Variants in PAPPA observed in about 807,000 individuals in gnomAD.
The protein encoded by PAPPA is pappalysin 1.
PAPPA carries 60 observed loss-of-function variants against 164.0 expected under a neutral mutation model. That is an observed-to-expected ratio of 0.37 (90% confidence interval 0.30 to 0.45). The LOEUF (loss-of-function observed/expected upper bound fraction) is 0.45, where lower values mean the gene tolerates loss of function less well. PAPPA is among the 20% of genes least tolerant of loss of function. The pLI is 1.00. For missense variants in PAPPA, 1,782 were observed against 2,087.3 expected (o/e 0.85, Z 2.85); for synonymous variants, 875 against 814.1 (o/e 1.07, Z -1.27).
chr9:116,187,295 A>G lies in PAPPA; in HGVS notation c.557A>G (p.Asn186Ser). Residue 186 changes from asparagine to serine, a missense_variant, in exon 2 of 22, where the codon AAT (asparagine) becomes AGT (serine). By Grantham distance (46) the Asn-to-Ser change is conservative. Coordinates refer to ENST00000328252, the MANE Select transcript of PAPPA (RefSeq NM_002581.5). The surrounding 1 kb of genome is among the most constrained non-coding windows in gnomAD (Gnocchi z 4.2). ...TDRARQVTTI[N>S]AHRSYLPGQW... ...CGAGCCCGGCAAGTGACCACCATCA[A>G]TGCCCACCGCAGCTACCTCCCAGGC... The G allele has an allele frequency of 1.9e-6, 3 of 1,614,056 alleles. No individual in the cohort carries two copies. Among genetic ancestry groups the G allele is most frequent in the African/African-American group, 2.7e-5 (2 of 74,972 alleles).
rs1008633467 is a variant in PAPPA, at chr9:116,331,452, G to T, written c.3261+95G>T. 1.3e-5 allele frequency: 10 copies of T among 749,536 alleles called. No individual in the cohort carries two copies. The African/African-American group carries it at 1.4e-4, about 10-fold the overall frequency. 46.4% of individuals were successfully genotyped at this position (749,536 alleles called of 1,614,324 possible). A position where few individuals can be genotyped will look rare whatever the true frequency, so the allele number is the denominator to read the frequency against. ...CTTTCTGAAGATGGGTTGTCTACCT[G>T]CTGAGGGTGTTAATTGTAAGAACAG... On this transcript the variant is annotated intron_variant, in intron 11 of 21. Transcript: ENST00000328252.
chr9:116,174,255 T>G (rs768804838), intron 1 of PAPPA, among the ~76,000 whole-genome samples: 1 of 152,182 alleles, frequency 6.6e-6, no homozygotes, highest in Non-Finnish European at 1.5e-5. Flanking sequence ...CCCTGCAAAG[T>G]GGAGATCTGC....
rs116963613 is a variant in PAPPA at position 116,298,842 on chromosome 9, C to T, written c.2954-3915C>T. Among the ~76,000 whole-genome samples the T allele has an allele frequency of 9.5e-3, 1,445 of 151,374 alleles. 15 individuals are homozygous for T. The highest frequency in any genetic ancestry group is 0.036 in the South Asian group (172 of 4,798). ...TTATCAATGCTACCTAGCTACTACA[C>T]GGAAGTTATTTGACCTTGGTATTGA... On this transcript the variant is annotated intron_variant, in intron 9 of 21. Coordinates refer to ENST00000328252, the MANE Select transcript of PAPPA (RefSeq NM_002581.5).
intron 13 of PAPPA, among the ~76,000 whole-genome samples, chr9:116,340,448 C>A (rs1039811984): frequency 6.6e-6 from 1 of 152,194 alleles, no homozygotes; most frequent in Non-Finnish European, 1.5e-5. Flanking sequence ...CTTGGGCAAG[C>A]AATTTAAAAC....
At chr9:116,289,608 C>A (rs1445401735) in intron 9 of PAPPA, among the ~76,000 whole-genome samples, 1 of 152,032 alleles carries the variant, frequency 6.6e-6, no homozygotes, top group Non-Finnish European at 1.5e-5. Flanking sequence ...CTTAATCTTT[C>A]TAAGTTTCAG....
At chr9:116,284,543 G>A (rs1355659444) in intron 9 of PAPPA, among the ~76,000 whole-genome samples, 2 of 110,588 alleles carry the variant, frequency 1.8e-5, no homozygotes, top group Non-Finnish European at 3.3e-5. Context: ...TTTAGTCTGG[G>A]CCTTTTTTTT....
At chr9:116,283,486 C>G (rs1845291808) in intron 9 of PAPPA, among the ~76,000 whole-genome samples, 1 of 152,110 alleles carries the variant, frequency 6.6e-6, no homozygotes, top group Non-Finnish European at 1.5e-5. Flanking sequence ...GTGGGCAGTT[C>G]TCATCCCATA....
chr9:116,249,258 A>T (rs2118775511), intron 7 of PAPPA, among the ~76,000 whole-genome samples: 1 of 152,350 alleles, frequency 6.6e-6, no homozygotes, highest in East Asian at 1.9e-4. Context: ...CAGGTTAGTG[A>T]GAATCTCCTG....
chr9:116,320,265 C>G (rs1308134714), intron 10 of PAPPA, among the ~76,000 whole-genome samples: 1 of 152,136 alleles, frequency 6.6e-6, no homozygotes, highest in African/African-American at 2.4e-5. Context: ...AGGTGCCAGC[C>G]TGAAGGGTAT....
chr9:116,262,434 A>G (rs1424590151), intron 7 of PAPPA, among the ~76,000 whole-genome samples: 1 of 152,226 alleles, frequency 6.6e-6, no homozygotes, highest in Non-Finnish European at 1.5e-5. Context: ...GATCTGCTAA[A>G]ATTTTAGTTC....
chr9:116,363,199 T>C (rs1342461469), intron 18 of PAPPA, among the ~76,000 whole-genome samples: 1 of 152,148 alleles, frequency 6.6e-6, no homozygotes, highest in Admixed American at 6.5e-5. Context: ...CATTCATGAG[T>C]ACCTGATATA....
chr9:116,231,100 G>A (rs1167896969), intron 6 of PAPPA, among the ~76,000 whole-genome samples: 1 of 147,624 alleles, frequency 6.8e-6, no homozygotes, highest in Non-Finnish European at 1.5e-5. Context: ...TATATAACGG[G>A]TGCCTGTATA....
Position 116,358,349 on chromosome 9 carries a change from G to C in PAPPA, c.4348-4243G>C, listed in dbSNP as rs528129514. ...CAACCTTGGAAGACACAAAATGCAT[G>C]TGAGGGCATTGACTGGGAACAGAGA... On this transcript the variant is annotated intron_variant, in intron 17 of 21. Coordinates refer to ENST00000328252, the MANE Select transcript of PAPPA (RefSeq NM_002581.5). Among the ~76,000 whole-genome samples, 4 of 152,346 alleles carry C rather than the reference G, an allele frequency of 2.6e-5. 1 individual carries two copies. The South Asian group carries it at 8.3e-4, about 32-fold the overall frequency.
intron 2 of PAPPA, among the ~76,000 whole-genome samples, chr9:116,205,340 CT>C (rs1407897875): frequency 4.6e-5 from 7 of 152,202 alleles, no homozygotes; most frequent in Admixed American, 2.6e-4. Context: ...CTACCCCACC[CT>C]TTTTCTCTCT....
intron 19 of PAPPA, among the ~76,000 whole-genome samples, chr9:116,370,269 C>G (rs146117541): frequency 9.9e-5 from 15 of 152,268 alleles, no homozygotes; most frequent in Non-Finnish European, 1.6e-4. Flanking sequence ...CACCCCCTAC[C>G]ACACACGTAC....
At chr9:116,283,298 A>G (rs1845289372) in intron 9 of PAPPA, among the ~76,000 whole-genome samples, 1 of 152,212 alleles carries the variant, frequency 6.6e-6, no homozygotes, top group African/African-American at 2.4e-5. Flanking sequence ...CCCTGGGAGC[A>G]GTGGAAAGCC....
intron 7 of PAPPA, among the ~76,000 whole-genome samples, chr9:116,239,034 C>A (rs1387682860): frequency 6.6e-6 from 1 of 152,152 alleles, no homozygotes; most frequent in Non-Finnish European, 1.5e-5. Flanking sequence ...AAAATGCTTT[C>A]TTTTTCTTTC....
chr9:116,183,707 C>T (rs1176874719), intron 1 of PAPPA, among the ~76,000 whole-genome samples: 2 of 152,238 alleles, frequency 1.3e-5, no homozygotes, highest in Admixed American at 6.5e-5. Flanking sequence ...TCAAGGTTCT[C>T]ATTTCCCTTA....
intron 10 of PAPPA, among the ~76,000 whole-genome samples, chr9:116,314,086 T>G: frequency 7.7e-6 from 1 of 129,910 alleles, no homozygotes; most frequent in Admixed American, 8.4e-5. Context: ...TTTTTTTTTT[T>G]TTTTGAGATG....
Sources: gnomAD v4.1 joint callset for allele counts (sites outside exome capture counted in the v4.1 genomes callset) on GRCh38, gnomAD v4.1.1 for gene constraint, Gnocchi (gnomAD v3.1) non-coding constraint, MANE v1.5 for transcripts, NCBI Gene and HGNC (gene_info 2026-07-23, HGNC 2026-07-21) for gene names.